The following AGXT2 variants were observed in gnomAD, a reference collection of about 807,000 sequenced individuals.
AGXT2 encodes alanine--glyoxylate aminotransferase 2, mitochondrial.
A neutral mutation model predicts 62.5 loss-of-function variants in AGXT2; 61 were observed. The ratio of observed to expected loss-of-function variants is 0.98; its 90% CI spans 0.79 to 1.21. AGXT2 has a LOEUF of 1.21. Among genes scored for constraint, AGXT2 ranks in the 50% most tolerant of loss-of-function variants. The probability of loss-of-function intolerance (pLI) is 0.00; values close to 1 mark genes in which losing one functional copy is unlikely to be tolerated. For synonymous variants in AGXT2, 243 were observed against 218.7 expected (o/e 1.11, Z -0.98); for missense variants, 666 against 641.5 (o/e 1.04, Z -0.41).
At position 35,036,941 on chromosome 5, in the gene AGXT2, C is replaced by T. The variant is rs1311885047; in HGVS notation, c.486+1G>A. On this transcript the variant is annotated splice_donor_variant, in intron 4 of 13. Transcript: ENST00000231420. LOFTEE classifies it high-confidence loss of function. ...CACCTCCTGCAGGAAGAGCATTGTA[C>T]CTTAAGAGGCTCAGGAAGAAGTGCG... The T allele has an allele frequency of 2.5e-6, 4 of 1,613,856 alleles. No individual in the cohort carries two copies. The highest frequency in any genetic ancestry group is 3.4e-6 in the Non-Finnish European group (4 of 1,179,966).
chr5:35,011,211 G>A (rs935306900), intron 11 of AGXT2, among the ~76,000 whole-genome samples: 1 of 152,142 alleles, frequency 6.6e-6, no homozygotes, highest in Non-Finnish European at 1.5e-5. Flanking sequence ...TGTAATACCA[G>A]CACTTTGGGA....
intron 9 of AGXT2, among the ~76,000 whole-genome samples, chr5:35,024,013 G>A (rs999113990): frequency 2.6e-5 from 4 of 151,910 alleles, no homozygotes; most frequent in South Asian, 2.1e-4. Context: ...CTGCGTCAGC[G>A]TCCTGAGCAG....
At chr5:35,036,044 T>G (rs1187864057) in intron 4 of AGXT2, among the ~76,000 whole-genome samples, 1 of 151,460 alleles carries the variant, frequency 6.6e-6, no homozygotes, top group Non-Finnish European at 1.5e-5. Context: ...GCCATTGCAC[T>G]GCAGCCTGGG....
intron 12 of AGXT2, among the ~76,000 whole-genome samples, chr5:35,007,318 C>T (rs1175590125): frequency 1.3e-5 from 2 of 152,220 alleles, no homozygotes; most frequent in Non-Finnish European, 2.9e-5. Flanking sequence ...ATAAGATATC[C>T]AATCTATAGA....
chr5:35,036,666 A>G (rs1387331635), intron 4 of AGXT2, among the ~76,000 whole-genome samples: 6 of 152,226 alleles, frequency 3.9e-5, no homozygotes, highest in Non-Finnish European at 7.3e-5. Flanking sequence ...TGAAGAGAGC[A>G]ACCAAAGAGA....
intron 9 of AGXT2, among the ~76,000 whole-genome samples, chr5:35,019,904 C>T (rs945243768): frequency 6.6e-6 from 1 of 152,088 alleles, no homozygotes; most frequent in Non-Finnish European, 1.5e-5. Flanking sequence ...ACCACTGATC[C>T]CACAGAAATA....
intron 6 of AGXT2, 83 bp from the exon 7 acceptor site, chr5:35,032,908 A>G: frequency 9.0e-7 from 1 of 1,108,776 alleles, no homozygotes. Context: ...CCATCAAGAC[A>G]AGAGGGCTTC....
At chr5:35,045,731 C>CTAGGTAG (rs1412549532) in intron 1 of AGXT2, among the ~76,000 whole-genome samples, 2 of 148,656 alleles carry the variant, frequency 1.3e-5, no homozygotes, top group South Asian at 2.2e-4. Context: ...AGCATTCAGT[C>CTAGGTAG]TAGGTAGTGT....
intron 1 of AGXT2, among the ~76,000 whole-genome samples, chr5:35,041,223 C>CGAAA (rs70973023): frequency 5.8e-5 from 3 of 51,402 alleles, no homozygotes; most frequent in African/African-American, 9.0e-5. Flanking sequence ...CTCCCCCCGC[C>CGAAA]AAAAAAAAAA....
intron 7 of AGXT2, chr5:35,026,801 T>G: frequency 2.1e-6 from 2 of 970,494 alleles, no homozygotes; most frequent in Non-Finnish European, 2.4e-6. Flanking sequence ...CAAAGTGTCA[T>G]TGAGCTGGTA....
chr5:35,043,773 C>A (rs757791283), intron 1 of AGXT2, among the ~76,000 whole-genome samples: 11 of 152,178 alleles, frequency 7.2e-5, no homozygotes, highest in African/African-American at 1.2e-4. Context: ...TCATTGCAAC[C>A]TCTACCTCTC....
Position 35,040,683 on chromosome 5 carries a change from G to T in AGXT2, c.89-20C>A, listed in dbSNP as rs1255689248. On this transcript the variant is annotated intron_variant, in intron 1 of 13. Transcript: ENST00000231420. ...TACCTACTGAAAGTGAAGTGAGTTA[G>T]AATCCTCAACTAAGCATGACATAGG... The T allele has an allele frequency of 1.3e-6, 2 of 1,588,986 alleles. No individual in the cohort carries two copies. Among genetic ancestry groups the T allele is most frequent in the Non-Finnish European group, 1.7e-6 (2 of 1,157,200 alleles).
At chr5:35,031,064 C>T (rs1327160406) in intron 7 of AGXT2, among the ~76,000 whole-genome samples, 1 of 152,142 alleles carries the variant, frequency 6.6e-6, no homozygotes, top group Non-Finnish European at 1.5e-5. Flanking sequence ...GAATCCATCT[C>T]TTGACTTCAT....
chr5:35,036,913 A>T (rs766035820), intron 4 of AGXT2, 29 bp downstream of exon 4: 3 of 1,613,364 alleles, frequency 1.9e-6, no homozygotes, highest in Non-Finnish European at 2.5e-6. Flanking sequence ...CCCCCATAAC[A>T]TTCACCTCCT....
chr5:35,015,072 T>C (rs1015983025), intron 9 of AGXT2, among the ~76,000 whole-genome samples: 4 of 152,364 alleles, frequency 2.6e-5, no homozygotes, highest in Middle Eastern at 3.4e-3. Context: ...GAAGACCCTC[T>C]TCTTGCTGCT....
chr5:35,009,968 C>G (rs1341726995), intron 12 of AGXT2, 32 bp downstream of exon 12: 5 of 1,613,786 alleles, frequency 3.1e-6, no homozygotes, highest in Non-Finnish European at 3.4e-6. Context: ...TGGCTCCAAG[C>G]AGCTGAGAGA....
At chr5:34,999,487 G>A (rs891321564) in intron 13 of AGXT2, among the ~76,000 whole-genome samples, 7 of 151,984 alleles carry the variant, frequency 4.6e-5, no homozygotes, top group Non-Finnish European at 7.4e-5. Flanking sequence ...CAATCCCAGC[G>A]CTAATGAAAT....
chr5:35,029,195 T>C (rs1580598977), intron 7 of AGXT2, among the ~76,000 whole-genome samples: 1 of 152,178 alleles, frequency 6.6e-6, no homozygotes, highest in Non-Finnish European at 1.5e-5. Context: ...AATAAATCTA[T>C]GCCTCTAGAG....
chr5:35,003,784 G>T lies in AGXT2; in HGVS notation c.1416C>A (p.Gly472=), dbSNP rs200634664. The T allele has an allele frequency of 2.8e-4, 457 of 1,614,060 alleles. No individual in the cohort carries two copies. Among genetic ancestry groups the T allele is most frequent in the Non-Finnish European group, 2.7e-4 (320 of 1,180,030 alleles). ...TTACCTGAGAAAAAATGCTGCCTCTGCCAACGAGGAGTCCCATGTGCTTGC... is the reference window on the plus strand; with the variant it reads ...TTACCTGAGAAAAAATGCTGCCTCTTCCAACGAGGAGTCCCATGTGCTTGC... ...EDCKHMGLLV[G]RGSIFSQTFR... is the part of the protein sequence containing the mutation. The change falls in exon 13 of 14, where the codon GGC becomes GGA. Residue 472 remains glycine, a synonymous_variant. Coordinates refer to ENST00000231420, the MANE Select transcript of AGXT2 (RefSeq NM_031900.4).
Sources: allele counts gnomAD v4.1 joint callset (sites outside exome capture counted in the v4.1 genomes callset), GRCh38; gene constraint gnomAD v4.1.1; transcripts MANE v1.5; gene names NCBI Gene and HGNC (gene_info 2026-07-23, HGNC 2026-07-21).